DLGAP1: variants seen among roughly 807,000 people sequenced by gnomAD.
DLGAP1 encodes disks large-associated protein 1.
Under a neutral mutation model 90.8 loss-of-function variants are expected in DLGAP1, and 11 were observed. That is an observed-to-expected ratio of 0.12 (90% CI 0.08 to 0.20). DLGAP1 has a LOEUF of 0.20. Among genes scored for constraint, DLGAP1 ranks in the 10% least tolerant of loss-of-function variants. DLGAP1 has a pLI of 1.00. For missense variants in DLGAP1, 1,050 were observed against 1,333.8 expected (o/e 0.79, Z 3.31); for synonymous variants, 558 against 540.7 (o/e 1.03, Z -0.44).
chr18:4,300,527 C>A (rs1409832919), intron 1 of DLGAP1, among the ~76,000 whole-genome samples: 1 of 152,086 alleles, frequency 6.6e-6, no homozygotes, highest in East Asian at 1.9e-4. Context: ...TTGCAATACT[C>A]TAGAAATTTT....
chr18:4,165,696 T>C (rs1291812077), intron 1 of DLGAP1, among the ~76,000 whole-genome samples: 1 of 152,124 alleles, frequency 6.6e-6, no homozygotes, highest in Non-Finnish European at 1.5e-5. Context: ...CACACTTTAC[T>C]TAAAAAGGTA....
intron 1 of DLGAP1, among the ~76,000 whole-genome samples, chr18:4,203,229 C>A (rs372348995): frequency 6.7e-6 from 1 of 148,768 alleles, no homozygotes; most frequent in South Asian, 2.1e-4. Flanking sequence ...GAGATGAGAT[C>A]GCGCCACTGC....
intron 3 of DLGAP1, among the ~76,000 whole-genome samples, chr18:3,933,937 C>T (rs2072576175): frequency 6.6e-6 from 1 of 152,090 alleles, no homozygotes; most frequent in Non-Finnish European, 1.5e-5. Context: ...TGTCAAAGGG[C>T]ATCAATGAGG....
chr18:4,186,187 G>A (rs192850724), intron 1 of DLGAP1, among the ~76,000 whole-genome samples: 12 of 151,846 alleles, frequency 7.9e-5, no homozygotes, highest in Non-Finnish European at 1.0e-4. Context: ...GACCTTTTTC[G>A]GATGCATAGT....
At chr18:3,862,297 T>G (rs969055202) in intron 4 of DLGAP1, among the ~76,000 whole-genome samples, 1 of 152,224 alleles carries the variant, frequency 6.6e-6, no homozygotes, top group African/African-American at 2.4e-5. Context: ...CCAACTGCCA[T>G]ATCCATCTGC....
intron 1 of DLGAP1, among the ~76,000 whole-genome samples, chr18:4,368,954 G>A (rs1330996273): frequency 6.6e-6 from 1 of 152,132 alleles, no homozygotes; most frequent in Non-Finnish European, 1.5e-5. Context: ...ATATCGATGA[G>A]CAGTAACTGT....
intron 1 of DLGAP1, among the ~76,000 whole-genome samples, chr18:4,356,498 A>G (rs2081519745): frequency 6.6e-6 from 1 of 152,092 alleles, no homozygotes; most frequent in Non-Finnish European, 1.5e-5. Context: ...CTAGCAACAC[A>G]AGTCAAAAAT....
At chr18:4,320,489 T>C (rs2080656041) in intron 1 of DLGAP1, among the ~76,000 whole-genome samples, 2 of 152,282 alleles carry the variant, frequency 1.3e-5, no homozygotes, top group Middle Eastern at 3.4e-3. Flanking sequence ...GACTCTCTTC[T>C]TAGCCAAAGC....
At chr18:3,644,813 A>C (rs1034245371) in intron 7 of DLGAP1, among the ~76,000 whole-genome samples, 1 of 152,214 alleles carries the variant, frequency 6.6e-6, no homozygotes, top group African/African-American at 2.4e-5. Context: ...TAATATATCC[A>C]TATAGTAGAA....
chr18:4,373,217 A>G (rs1276946768), intron 1 of DLGAP1, among the ~76,000 whole-genome samples: 1 of 152,128 alleles, frequency 6.6e-6, no homozygotes, highest in Non-Finnish European at 1.5e-5. Context: ...GGAGGAGGAA[A>G]TAAAACAGCT....
intron 1 of DLGAP1, among the ~76,000 whole-genome samples, chr18:4,302,279 C>A (rs1189898529): frequency 6.6e-6 from 1 of 152,108 alleles, no homozygotes; most frequent in Non-Finnish European, 1.5e-5. Flanking sequence ...AGTCTGGGGT[C>A]TTATGATTAA....
intron 1 of DLGAP1, among the ~76,000 whole-genome samples, chr18:4,370,765 G>A (rs1482257115): frequency 5.1e-5 from 2 of 39,012 alleles, no homozygotes; most frequent in African/African-American, 1.2e-4. Context: ...GCATATGTGT[G>A]GGTTTTTTTT....
intron 7 of DLGAP1, among the ~76,000 whole-genome samples, chr18:3,663,045 G>C (rs2059741432): frequency 6.6e-6 from 1 of 152,150 alleles, no homozygotes; most frequent in Non-Finnish European, 1.5e-5. Context: ...GCCAAGATGG[G>C]TGGATATTCT....
Position 4,228,338 on chromosome 18 carries a change from C to T in DLGAP1, c.-266-77051G>A, listed in dbSNP as rs148580817. On this transcript the variant is annotated intron_variant, in intron 1 of 12. Transcript: ENST00000315677. ...AGGAGGGAATACTTCCAACCTCATT[C>T]TATGAGATCAGTATTGTCCTGATAC... Among the ~76,000 whole-genome samples the T allele has an allele frequency of 1.1e-4, 16 of 152,110 alleles. No individual in the cohort carries two copies. The East Asian group carries it at 3.1e-3, about 29-fold the overall frequency.
At chr18:4,371,494 A>G (rs1845190909) in intron 1 of DLGAP1, among the ~76,000 whole-genome samples, 1 of 152,242 alleles carries the variant, frequency 6.6e-6, no homozygotes, top group Admixed American at 6.5e-5. Context: ...CCTGCAAAGA[A>G]TCAGATGACT....
At chr18:3,788,964 A>G (rs2065593326) in intron 5 of DLGAP1, among the ~76,000 whole-genome samples, 1 of 152,228 alleles carries the variant, frequency 6.6e-6, no homozygotes, top group South Asian at 2.1e-4. Context: ...TAATTGTTTC[A>G]TTTTCAAACA....
intron 3 of DLGAP1, among the ~76,000 whole-genome samples, chr18:3,899,089 T>A (rs1747355746): frequency 6.6e-6 from 1 of 152,124 alleles, no homozygotes; most frequent in South Asian, 2.1e-4. Flanking sequence ...CAGGGAGGCA[T>A]CCTACACTAC....
intron 1 of DLGAP1, among the ~76,000 whole-genome samples, chr18:4,321,965 A>AG (rs1459878631): frequency 2.5e-5 from 1 of 39,916 alleles, no homozygotes; most frequent in South Asian, 5.7e-4. Flanking sequence ...TGGGAGGCCT[A>AG]GGGGGGTGGA....
intron 5 of DLGAP1, among the ~76,000 whole-genome samples, chr18:3,813,705 G>C (rs934980127): frequency 6.6e-6 from 1 of 152,060 alleles, no homozygotes; most frequent in Admixed American, 6.5e-5. Context: ...CTTCGTGCCT[G>C]AGCAAACGTT....
Sources: gnomAD v4.1 joint callset for allele counts (sites outside exome capture counted in the v4.1 genomes callset) on GRCh38, gnomAD v4.1.1 for gene constraint, MANE v1.5 for transcripts, NCBI Gene and HGNC (gene_info 2026-07-23, HGNC 2026-07-21) for gene names.